The following APC variants were observed in gnomAD, a reference collection of about 807,000 sequenced individuals.
The protein encoded by APC is adenomatous polyposis coli protein.
In APC, 72 loss-of-function variants were observed where a neutral mutation model predicts 247.0. The observed-to-expected ratio is 0.29, with a 90% CI of 0.24 to 0.35. The LOEUF (loss-of-function observed/expected upper bound fraction) is 0.35. Ranked by LOEUF, APC falls within the 10% of genes least tolerant of loss-of-function variation. The pLI, the probability that APC is intolerant of heterozygous loss-of-function variation, is 1.00. For missense variants in APC, 3,400 were observed against 3,360.7 expected (o/e 1.01, Z -0.29); for synonymous variants, 1,254 against 1,162.5 (o/e 1.08, Z -1.60).
intron 1 of APC, among the ~76,000 whole-genome samples, chr5:112,708,477 A>G (rs2149633121): frequency 6.6e-6 from 1 of 152,248 alleles, no homozygotes; most frequent in Middle Eastern, 3.4e-3. Context: ...TTTCGGCTGT[A>G]GGAAATCTTT....
intron 12 of APC, among the ~76,000 whole-genome samples, chr5:112,827,540 A>C (rs76597814): frequency 1.1e-5 from 1 of 92,312 alleles, no homozygotes; most frequent in Non-Finnish European, 2.4e-5. Context: ...TTACTAGAGA[A>C]GTTTAACTGT....
chr5:112,817,169 C>G lies in APC; in HGVS notation c.933+1576C>G, dbSNP rs116329286. ...AGAGGCATGAGTGACCACACCCGGC[C>G]CATCAGAGATTTTAATATTCACTAA... On this transcript the variant is annotated intron_variant, in intron 9 of 15. Coordinates refer to ENST00000257430, the MANE Select transcript of APC (RefSeq NM_000038.6). Among the ~76,000 whole-genome samples the G allele has an allele frequency of 3.5e-3, 532 of 152,172 alleles. 4 individuals carry two copies. The highest frequency in any genetic ancestry group is 0.012 in the African/African-American group (509 of 41,542).
intron 1 of APC, among the ~76,000 whole-genome samples, chr5:112,721,708 AAGG>A (rs1169002231): frequency 6.6e-6 from 1 of 152,184 alleles, no homozygotes; most frequent in African/African-American, 2.4e-5. Context: ...GTGTTTAAGA[AAGG>A]AGGAGAAATG....
Position 112,732,438 on chromosome 5 carries a change from T to C in APC, c.165+24556T>C, listed in dbSNP as rs111651338. On this transcript the variant is annotated intron_variant, in intron 1 of 13. Coordinates refer to the APC transcript ENST00000507379. ...TTAGTCCCGTGGCTGCATCACAACATTTGTTTTTCCATATACAGGGGCCAG... is the reference window on the plus strand; with the variant it reads ...TTAGTCCCGTGGCTGCATCACAACACTTGTTTTTCCATATACAGGGGCCAG... 7.8e-3 allele frequency among the ~76,000 whole-genome samples: 1,182 copies of C among 152,306 alleles called. 13 individuals are homozygous for C. Among genetic ancestry groups the C allele is most frequent in the African/African-American group, 0.026 (1,096 of 41,568 alleles).
At chr5:112,810,131 A>G (rs1472097537) in intron 8 of APC, 1 of 456,134 alleles carries the variant, frequency 2.2e-6, no homozygotes, top group Non-Finnish European at 4.4e-6. Flanking sequence ...TTAAGATAGA[A>G]AAGATGAGGA....
At chr5:112,780,993 T>G in intron 6 of APC, 90 bp downstream of exon 6, 1 of 885,566 alleles carries the variant, frequency 1.1e-6, no homozygotes, top group Non-Finnish European at 1.8e-6. Flanking sequence ...TAAATTTTAT[T>G]AAAGACATAA....
intron 11 of APC, among the ~76,000 whole-genome samples, chr5:112,825,575 G>T (rs1382250924): frequency 6.6e-6 from 1 of 152,162 alleles, no homozygotes; most frequent in African/African-American, 2.4e-5. Flanking sequence ...CATCTGGCCA[G>T]ACCTGATGGC....
chr5:112,744,772 G>A (rs1437184260), intron 1 of APC, among the ~76,000 whole-genome samples: 1 of 152,166 alleles, frequency 6.6e-6, no homozygotes, highest in Non-Finnish European at 1.5e-5. Context: ...GAACTTAATA[G>A]GAAATAAGTT....
chr5:112,828,226 G>A (rs1763924698), intron 13 of APC, among the ~76,000 whole-genome samples: 1 of 151,972 alleles, frequency 6.6e-6, no homozygotes, highest in Non-Finnish European at 1.5e-5. Context: ...TAGAGACGGG[G>A]TTTCACCACA....
chr5:112,840,865 T>G lies in APC; in HGVS notation c.5271T>G (p.Ser1757=), dbSNP rs752875511. The change falls in exon 16 of 16, where the codon TCT becomes TCG. Residue 1757 remains serine, a synonymous_variant. Transcript: ENST00000257430. The surrounding 1 kb of genome is among the most constrained non-coding windows in gnomAD (Gnocchi z 4.1). ...AGGTCCAGCAAGCATCTGCGTCTTC[T>G]TCTGCACCCAACAAAAATCAGTTAG... The part of the protein sequence containing the change: ...MDQVQQASAS[S]SAPNKNQLDG... 1 of 1,614,104 alleles carries G rather than the reference T, an allele frequency of 6.2e-7. No homozygotes were observed. Among genetic ancestry groups the G allele is most frequent in the Non-Finnish European group, 8.5e-7 (1 of 1,179,968 alleles).
At chr5:112,799,183 CAAAA>C (rs754181440) in intron 7 of APC, among the ~76,000 whole-genome samples, 3 of 79,884 alleles carry the variant, frequency 3.8e-5, no homozygotes, top group Non-Finnish European at 7.4e-5. Flanking sequence ...GACTCTGTCT[CAAAA>C]AAAAAAAAAA....
At chr5:112,803,249 T>G (rs765416782) in intron 8 of APC, among the ~76,000 whole-genome samples, 3 of 152,168 alleles carry the variant, frequency 2.0e-5, no homozygotes, top group Admixed American at 2.0e-4. Flanking sequence ...GTGCCTGTTG[T>G]GAAGCTCATC....
chr5:112,772,879 C>G (rs1007903530), intron 4 of APC, among the ~76,000 whole-genome samples: 4 of 152,214 alleles, frequency 2.6e-5, no homozygotes, highest in Non-Finnish European at 4.4e-5. Flanking sequence ...GCATCACCAT[C>G]TATTTTATTC....
intron 4 of APC, among the ~76,000 whole-genome samples, chr5:112,775,278 ATACTT>A (rs1421348991): frequency 6.6e-6 from 1 of 152,020 alleles, no homozygotes; most frequent in African/African-American, 2.4e-5. Context: ...TTCCTTTACT[ATACTT>A]TTTATTCTTA....
At chr5:112,726,453 T>G (rs1481055196) in intron 1 of APC, among the ~76,000 whole-genome samples, 1 of 152,190 alleles carries the variant, frequency 6.6e-6, no homozygotes, top group Non-Finnish European at 1.5e-5. Context: ...GTTCAAACAT[T>G]CCTTTTCTTT....
chr5:112,733,763 T>C (rs992582927), upstream of APC, among the ~76,000 whole-genome samples: 3 of 152,234 alleles, frequency 2.0e-5, no homozygotes, highest in Admixed American at 6.5e-5. Flanking sequence ...GCCTAGGAAC[T>C]ATTTTATTGT....
Position 112,839,712 on chromosome 5 carries a change from C to A in APC, c.4118C>A (p.Pro1373His), listed in dbSNP as rs1220647493. 1.2e-6 allele frequency: 2 copies of A among 1,614,126 alleles called. No homozygotes were observed. Among genetic ancestry groups the A allele is most frequent in the East Asian group, 2.2e-5 (1 of 44,870 alleles). ...GGTGCTCAGACACCCAAAAGTCCAC[C>A]TGAACACTATGTTCAGGAGACCCCA... ...KSGAQTPKSPPEHYVQETPLM... is the reference protein window; with the variant it reads ...KSGAQTPKSPHEHYVQETPLM... Residue 1373 changes from proline (P) to histidine (H), a missense_variant, in exon 16 of 16, where the codon CCT (proline) becomes CAT (histidine). Physicochemically the swap from Pro to His is moderately conservative, Grantham distance 77. Coordinates refer to ENST00000257430, the MANE Select transcript of APC (RefSeq NM_000038.6). The surrounding 1 kb of genome is among the most constrained non-coding windows in gnomAD (Gnocchi z 5.0).
chr5:112,821,030 A>ATT lies in APC; in HGVS notation c.1313-847_1313-846dup, dbSNP rs1268327067. Among the ~76,000 whole-genome samples the ATT allele has an allele frequency of 2.4e-3, 321 of 132,372 alleles. 5 individuals are homozygous for ATT. Among genetic ancestry groups the ATT allele is most frequent in the African/African-American group, 7.5e-3 (267 of 35,396 alleles). 86.8% of individuals were successfully genotyped at this position (132,372 alleles called of 152,430 possible). A position where few individuals can be genotyped will look rare whatever the true frequency, so the allele number is the denominator to read the frequency against. On this transcript the variant is annotated intron_variant, in intron 10 of 15. Coordinates refer to ENST00000257430, the MANE Select transcript of APC (RefSeq NM_000038.6). ...AAGCATGTGCCACCACAACTGACTA[A>ATT]TTTTTTTTTTTTTTTTTTTTGAGAG...
chr5:112,817,534 T>C (rs926517245), intron 9 of APC, among the ~76,000 whole-genome samples: 8 of 152,214 alleles, frequency 5.3e-5, no homozygotes, highest in Admixed American at 2.6e-4. Flanking sequence ...AAAAAAATTT[T>C]AGGCATGGAA....
Sources: allele counts gnomAD v4.1 joint callset (sites outside exome capture counted in the v4.1 genomes callset), GRCh38; gene constraint gnomAD v4.1.1; non-coding constraint Gnocchi (gnomAD v3.1); transcripts MANE v1.5; gene names NCBI Gene and HGNC (gene_info 2026-07-23, HGNC 2026-07-21).